Variants in XKR9 observed in about 807,000 individuals in gnomAD.
XKR9 encodes XK related 9.
XKR9 carries 32 observed loss-of-function variants against 32.0 expected under a neutral mutation model. That is an observed-to-expected ratio of 1.00 (90% CI 0.76 to 1.34). The LOEUF (loss-of-function observed/expected upper bound fraction) is 1.34. Among genes scored for constraint, XKR9 ranks in the 40% most tolerant of loss-of-function variants. The pLI is 0.00. For synonymous variants in XKR9, 168 were observed against 143.4 expected (o/e 1.17, Z -1.22); for missense variants, 546 against 429.7 (o/e 1.27, Z -2.39).
the XKR9 span, among the ~76,000 whole-genome samples, chr8:70,876,138 C>T: frequency 6.6e-6 from 1 of 151,366 alleles, no homozygotes; most frequent in Non-Finnish European, 1.5e-5. Context: ...ACTTTTAGAA[C>T]TATTTAAGAG....
the XKR9 span, among the ~76,000 whole-genome samples, chr8:70,906,683 G>A: frequency 6.6e-6 from 1 of 152,114 alleles, no homozygotes; most frequent in African/African-American, 2.4e-5. Context: ...CAGAAAATGG[G>A]TTTTCCATCC....
At chr8:70,952,453 T>A in the XKR9 span, among the ~76,000 whole-genome samples, 4 of 152,342 alleles carry the variant, frequency 2.6e-5, no homozygotes, top group Admixed American at 2.6e-4. Flanking sequence ...TTTCTTGTCC[T>A]CTCTGCCTCC....
chr8:70,706,244 T>A (rs1412383791), intron 3 of XKR9, among the ~76,000 whole-genome samples: 1 of 152,168 alleles, frequency 6.6e-6, no homozygotes, highest in Admixed American at 6.5e-5. Context: ...GTTATCGATT[T>A]TATCTATGGG....
At chr8:70,805,113 C>T in the XKR9 span, among the ~76,000 whole-genome samples, 1 of 152,156 alleles carries the variant, frequency 6.6e-6, no homozygotes, top group Admixed American at 6.5e-5. Flanking sequence ...GACTAGGAGG[C>T]TGGCATGATC....
intron 4 of XKR9, among the ~76,000 whole-genome samples, chr8:70,720,234 T>C (rs1429531725): frequency 6.6e-6 from 1 of 152,178 alleles, no homozygotes; most frequent in East Asian, 1.9e-4. Context: ...TACAATCATG[T>C]CACCTGCAAA....
chr8:70,913,997 C>T, the XKR9 span, among the ~76,000 whole-genome samples: 7 of 152,242 alleles, frequency 4.6e-5, no homozygotes, highest in Non-Finnish European at 7.4e-5. Context: ...TTGATAGACA[C>T]ATGGGCTGTT....
the XKR9 span, among the ~76,000 whole-genome samples, chr8:70,889,141 G>A: frequency 6.6e-6 from 1 of 150,962 alleles, no homozygotes; most frequent in Non-Finnish European, 1.5e-5. Context: ...GTGTTTTATA[G>A]ATTTTGTTGT....
chr8:70,996,807 C>T, the XKR9 span, among the ~76,000 whole-genome samples: 1 of 151,990 alleles, frequency 6.6e-6, no homozygotes, highest in Non-Finnish European at 1.5e-5. Context: ...TGACTTTCCT[C>T]TCTGAATTGG....
At chr8:70,897,992 A>G in the XKR9 span, among the ~76,000 whole-genome samples, 5 of 152,154 alleles carry the variant, frequency 3.3e-5, no homozygotes, top group African/African-American at 1.2e-4. Flanking sequence ...TGCCCACTTC[A>G]ATGTCCTGAA....
the XKR9 span, among the ~76,000 whole-genome samples, chr8:71,012,900 G>GA: frequency 1.3e-5 from 2 of 152,148 alleles, no homozygotes; most frequent in Non-Finnish European, 2.9e-5. Flanking sequence ...CTTAACAAGA[G>GA]AAAAAGACGG....
intron 1 of XKR9, among the ~76,000 whole-genome samples, chr8:70,673,201 C>G (rs1268147752): frequency 6.6e-6 from 1 of 152,136 alleles, no homozygotes; most frequent in South Asian, 2.1e-4. Context: ...TAAGGTCTTA[C>G]GTTTAATCCT....
At chr8:70,828,146 G>A in the XKR9 span, among the ~76,000 whole-genome samples, 5 of 152,232 alleles carry the variant, frequency 3.3e-5, no homozygotes, top group South Asian at 4.1e-4. Context: ...GCTGCCTGGC[G>A]TTTTTCTTTA....
At chr8:70,975,550 G>A in the XKR9 span, among the ~76,000 whole-genome samples, 3 of 152,182 alleles carry the variant, frequency 2.0e-5, no homozygotes, top group Non-Finnish European at 4.4e-5. Context: ...TCAGATGGTA[G>A]TAGATGTGTG....
the XKR9 span, among the ~76,000 whole-genome samples, chr8:70,879,973 A>G: frequency 5.3e-5 from 8 of 152,240 alleles, no homozygotes; most frequent in African/African-American, 1.9e-4. Flanking sequence ...GGTTCAACAT[A>G]TGCAAATCAA....
At chr8:70,829,628 T>G in the XKR9 span, among the ~76,000 whole-genome samples, 1 of 152,180 alleles carries the variant, frequency 6.6e-6, no homozygotes, top group African/African-American at 2.4e-5. Flanking sequence ...TTTTGTATTT[T>G]TAGTAGAGAC....
chr8:70,681,686 T>G (rs1337890652), intron 3 of XKR9, among the ~76,000 whole-genome samples: 1 of 152,126 alleles, frequency 6.6e-6, no homozygotes, highest in African/African-American at 2.4e-5. Context: ...AGTACTCACT[T>G]TTTTGATACT....
the XKR9 span, among the ~76,000 whole-genome samples, chr8:70,928,617 G>C: frequency 2.2e-4 from 34 of 152,066 alleles, 1 homozygote; most frequent in South Asian, 7.1e-3. Flanking sequence ...TCACCTTAAA[G>C]CCTGGGTGCT....
chr8:71,044,134 TA>T, the XKR9 span, among the ~76,000 whole-genome samples: 1 of 152,228 alleles, frequency 6.6e-6, no homozygotes, highest in Admixed American at 6.5e-5. Flanking sequence ...CTTATGCCTC[TA>T]GGGGTAATTT....
At chr8:70,730,108 A>G (rs1020499486) in intron 4 of XKR9, among the ~76,000 whole-genome samples, 1 of 152,220 alleles carries the variant, frequency 6.6e-6, no homozygotes, top group African/African-American at 2.4e-5. Flanking sequence ...TTTTCCAAAC[A>G]AGACCCAATG....
Sources: allele counts gnomAD v4.1 joint callset (sites outside exome capture counted in the v4.1 genomes callset), GRCh38; gene constraint gnomAD v4.1.1; transcripts MANE v1.5; gene names NCBI Gene and HGNC (gene_info 2026-07-23, HGNC 2026-07-21).